CCN2: variants seen among roughly 807,000 people sequenced by gnomAD.
CCN2 encodes the protein cellular communication network factor 2, also known as CCN family member 2.
In CCN2, 22 loss-of-function variants were observed where a neutral mutation model predicts 33.2. The observed-to-expected ratio is 0.66, with a 90% CI of 0.47 to 0.95. The LOEUF (loss-of-function observed/expected upper bound fraction) is 0.95, where lower values mean the gene tolerates loss of function less well. CCN2 is among the 40% of genes least tolerant of loss of function. The pLI, the probability that CCN2 is intolerant of heterozygous loss-of-function variation, is 0.00. For missense variants in CCN2, 469 were observed against 498.8 expected (o/e 0.94, Z 0.57); for synonymous variants, 178 against 200.6 (o/e 0.89, Z 0.95).
chr6:131,949,987 C>T lies in CCN2; in HGVS notation c.715G>A (p.Val239Ile). The T allele has an allele frequency of 1.2e-6, 2 of 1,614,236 alleles. No individual in the cohort carries two copies. Among genetic ancestry groups the T allele is most frequent in the Middle Eastern group, 1.6e-4 (1 of 6,062 alleles). ...RLEKQSRLCM[V>I]RPCEADLEEN... Reference sequence around the variant, plus strand: ...TCCAGGTCAGCTTCGCAAGGCCTGACCATGCACAGGCGGCTCTGCTTCTCT... The same window carrying T: ...TCCAGGTCAGCTTCGCAAGGCCTGATCATGCACAGGCGGCTCTGCTTCTCT... Residue 239 changes from valine to isoleucine, a missense_variant, in exon 4 of 5, where the codon GTC (valine) becomes ATC (isoleucine). Physicochemically the swap from Val to Ile is conservative, Grantham distance 29. Transcript: ENST00000367976.
chr6:131,949,579 A>C lies in CCN2; in HGVS notation c.754-19T>G, dbSNP rs747779942. 43 of 1,558,162 alleles carry C rather than the reference A, an allele frequency of 2.8e-5. No individual in the cohort carries two copies. The highest frequency in any genetic ancestry group is 3.7e-5 in the Non-Finnish European group (43 of 1,153,548). ...TGCCCTTCTAAGGAAGACAAGGGAA[A>C]AGAGAGAGGAAAAAAAAAAATCAGC... On this transcript the variant is annotated intron_variant, in intron 4 of 4. Transcript: ENST00000367976.
In CCN2 at chr6:131,948,273, A is replaced by G. The variant is rs1378853990; in HGVS notation, c.*991T>C. The G allele has an allele frequency of 6.6e-6, 1 of 152,634 alleles. No individual in the cohort carries two copies. Among genetic ancestry groups the G allele is most frequent in the Non-Finnish European group, 1.5e-5 (1 of 68,038 alleles). The allele number at this position is 152,634 out of a possible 1,614,324, so 9.5% of individuals were successfully genotyped here. A position where few individuals can be genotyped will look rare whatever the true frequency, so the allele number is the denominator to read the frequency against. On this transcript the variant is annotated 3_prime_UTR_variant, in exon 5 of 5. Transcript: ENST00000367976. ...CAAATAAACTGTCCGAAAAACAGTC[A>G]TATCAAAGTAGAAACAAATGCTTCC...
intron 4 of CCN2, 152 bp downstream of exon 4, chr6:131,949,797 A>G: frequency 2.4e-6 from 2 of 838,054 alleles, no homozygotes. Flanking sequence ...GGTGGTTGCT[A>G]TTACACAAGC....
Position 131,949,034 on chromosome 6 carries a change from T to C in CCN2, c.*230A>G, listed in dbSNP as rs151042092. 4.1e-5 allele frequency: 23 copies of C among 565,678 alleles called. No individual in the cohort carries two copies. In the East Asian group the frequency reaches 7.0e-4, roughly 17 times the overall value. 35.0% of individuals were successfully genotyped at this position (565,678 alleles called of 1,614,324 possible). A position where few individuals can be genotyped will look rare whatever the true frequency, so the allele number is the denominator to read the frequency against. On this transcript the variant is annotated 3_prime_UTR_variant, in exon 5 of 5. Transcript: ENST00000367976. ...CCTTAATATACATTCTGGTGCTGTGTACTAATGTAGTTCCACTGTCAAGTC... is the reference window on the plus strand; with the variant it reads ...CCTTAATATACATTCTGGTGCTGTGCACTAATGTAGTTCCACTGTCAAGTC...
Position 131,950,404 on chromosome 6 carries a change from C to A in CCN2, c.429G>T (p.Leu143=). The A allele has an allele frequency of 6.2e-7, 1 of 1,614,074 alleles. No homozygotes were observed. Among genetic ancestry groups the A allele is most frequent in the Non-Finnish European group, 8.5e-7 (1 of 1,180,034 alleles). Reference sequence around the variant, plus strand: ...TCGGGAAGGGGCAGTCAGGGCTGGGCAGACGAACGTCCATGCTGCACAGGG... The same window carrying A: ...TCGGGAAGGGGCAGTCAGGGCTGGGAAGACGAACGTCCATGCTGCACAGGG... The part of the protein sequence containing the change: ...CMPLCSMDVR[L]PSPDCPFPRR... The change falls in exon 3 of 5, where the codon CTG becomes CTT. Residue 143 remains leucine (L), a synonymous_variant. Transcript: ENST00000367976. The surrounding 1 kb of genome is among the most constrained non-coding windows in gnomAD (Gnocchi z 7.1).
Position 131,950,190 on chromosome 6 carries a change from TA to T in CCN2, c.542-31del, listed in dbSNP as rs1241216290. 6.2e-7 allele frequency: 1 copy of T among 1,613,748 alleles called. No homozygotes were observed. On this transcript the variant is annotated intron_variant, in intron 3 of 4. Coordinates refer to ENST00000367976, the MANE Select transcript of CCN2 (RefSeq NM_001901.4). The surrounding 1 kb of genome is among the most constrained non-coding windows in gnomAD (Gnocchi z 7.1). ...GAGAGCAGAGCACACAAACACCATGTAAAACGCCTGGATAAGGTATTTCCCC... is the reference window on the plus strand; with the variant it reads ...GAGAGCAGAGCACACAAACACCATGTAAACGCCTGGATAAGGTATTTCCCC...
rs746904803 is a variant in CCN2, at chr6:131,949,560, T to C, written c.754A>G (p.Lys252Glu). Residue 252 changes from lysine to glutamate, a missense_variant and splice_region_variant, in exon 5 of 5, where the codon AAG becomes GAG. Transcript: ENST00000367976. ...GGAGTACGGATGCACTTTTTGCCCT[T>C]CTAAGGAAGACAAGGGAAAAGAGAG... ...CEADLEENIK[K>E]GKKCIRTPKI... 45 of 1,591,686 alleles carry C rather than the reference T, an allele frequency of 2.8e-5. No individual in the cohort carries two copies. The highest frequency in any genetic ancestry group is 3.9e-5 in the Non-Finnish European group (45 of 1,166,626).
chr6:131,950,226 G>A lies in CCN2; in HGVS notation c.541+66C>T, dbSNP rs1783084091. On this transcript the variant is annotated intron_variant, in intron 3 of 4. Transcript: ENST00000367976. The surrounding 1 kb of genome is among the most constrained non-coding windows in gnomAD (Gnocchi z 7.1). ...GATAAGGTATTTCCCCCGTTCGGTC[G>A]GCACAGTTAGGACTCCCTCCCTGGG... The A allele has an allele frequency of 6.2e-7, 1 of 1,610,474 alleles. No homozygotes were observed. The highest frequency in any genetic ancestry group is 8.5e-7 in the Non-Finnish European group (1 of 1,177,402).
rs374276549 is a variant in CCN2 at position 131,949,982 on chromosome 6, C to T, written c.720G>A (p.Arg240=). 1.8e-5 allele frequency: 29 copies of T among 1,614,198 alleles called. No homozygotes were observed. The African/African-American group carries it at 3.2e-4, about 18-fold the overall frequency. The part of the protein sequence containing the change: ...LEKQSRLCMV[R]PCEADLEENI... ...TCTCTTCCAGGTCAGCTTCGCAAGG[C>T]CTGACCATGCACAGGCGGCTCTGCT... is the stretch of plus-strand genomic sequence containing the variant. The change falls in exon 4 of 5, where the codon AGG becomes AGA. Residue 240 remains arginine, a synonymous_variant. Coordinates refer to ENST00000367976, the MANE Select transcript of CCN2 (RefSeq NM_001901.4).
At position 131,949,447 on chromosome 6, in the gene CCN2, G is replaced by A. The variant is rs143731769; in HGVS notation, c.867C>T (p.Asp289=). ...TTCTGTGGGGGGTGCAGCATCGGCCGTCGGTACATACTCCACAGAATTTAG... is the reference window on the plus strand; with the variant it reads ...TTCTGTGGGGGGTGCAGCATCGGCCATCGGTACATACTCCACAGAATTTAG... ...YRAKFCGVCT[D]GRCCTPHRTT... is the part of the protein sequence containing the mutation. Residue 289 remains aspartate (D), a synonymous_variant, in exon 5 of 5, where the codon GAC becomes GAT. Transcript: ENST00000367976. 2 of 1,614,172 alleles carry A rather than the reference G, an allele frequency of 1.2e-6. No individual in the cohort carries two copies. The highest frequency in any genetic ancestry group is 1.7e-6 in the Non-Finnish European group (2 of 1,180,022).
Position 131,949,172 on chromosome 6 carries a change from A to G in CCN2, c.*92T>C. On this transcript the variant is annotated 3_prime_UTR_variant, in exon 5 of 5. Transcript: ENST00000367976. ...CCAGTTAGAAAAACAGATTTAAATAACTTGTGCTACTGAAATCATTTTTAC... is the reference window on the plus strand; with the variant it reads ...CCAGTTAGAAAAACAGATTTAAATAGCTTGTGCTACTGAAATCATTTTTAC... The G allele has an allele frequency of 8.8e-7, 1 of 1,131,682 alleles. No individual in the cohort carries two copies. Among genetic ancestry groups the G allele is most frequent in the South Asian group, 1.4e-5 (1 of 72,998 alleles). The allele number at this position is 1,131,682 out of a possible 1,614,324, so 70.1% of individuals were successfully genotyped here.
rs1385020110 is a variant in CCN2 at position 131,949,540 on chromosome 6, A to G, written c.774T>C (p.Arg258=). The change falls in exon 5 of 5, where the codon CGT becomes CGC. Residue 258 remains arginine, a synonymous_variant. Coordinates refer to ENST00000367976, the MANE Select transcript of CCN2 (RefSeq NM_001901.4). ...TGATAGGCTTGGAGATTTTGGGAGT[A>G]CGGATGCACTTTTTGCCCTTCTAAG... The part of the protein sequence containing the change: ...ENIKKGKKCI[R]TPKISKPIKF... The G allele has an allele frequency of 1.4e-6, 2 of 1,475,166 alleles. No homozygotes were observed. The highest frequency in any genetic ancestry group is 1.8e-5 in the Admixed American group (1 of 55,178). The allele number at this position is 1,475,166 out of a possible 1,614,324, so 91.4% of individuals were successfully genotyped here. A position where few individuals can be genotyped will look rare whatever the true frequency, so the allele number is the denominator to read the frequency against.
intron 1 of CCN2, 31 bp downstream of exon 1, chr6:131,951,076 G>A (rs779822040): frequency 3.9e-6 from 5 of 1,291,662 alleles, no homozygotes; most frequent in South Asian, 2.4e-5. Flanking sequence ...CCTGGCAGCC[G>A]CCGGCCGCAG....
intron 4 of CCN2, 50 bp from the exon 5 acceptor site, chr6:131,949,610 T>C (rs1164670820): frequency 1.3e-6 from 2 of 1,490,284 alleles, no homozygotes; most frequent in African/African-American, 1.4e-5. Flanking sequence ...TCAGCGACTC[T>C]ACAAGAGGAG....
In CCN2 at chr6:131,951,304, CGGCTGCCGTCGAGCTGGAGGGT is replaced by C. The variant is rs1783108562; in HGVS notation, c.-154_-133del. 1.1e-5 allele frequency: 8 copies of C among 722,552 alleles called. No homozygotes were observed. Among genetic ancestry groups the C allele is most frequent in the Non-Finnish European group, 1.3e-5 (7 of 529,984 alleles). The allele number at this position is 722,552 out of a possible 1,614,324, so 44.8% of individuals were successfully genotyped here. On this transcript the variant is annotated 5_prime_UTR_variant, in exon 1 of 5. Coordinates refer to ENST00000367976, the MANE Select transcript of CCN2 (RefSeq NM_001901.4). ...GTCGTCTCGGGGCTGTCGGCCGGGG[CGGCTGCCGTCGAGCTGGAGGGT>C]GGAGTCGCACTGGCTGTCTCCTCTC...
Position 131,951,196 on chromosome 6 carries a change from A to G in CCN2, c.-24T>C. The stretch of plus-strand genomic sequence containing the variant: ...ATGGTTGGCACTGCGGGCGGAGCGG[A>G]GGGCGCGGTGGCGGCGAGCGGGGAG... On this transcript the variant is annotated 5_prime_UTR_variant, in exon 1 of 5. Coordinates refer to ENST00000367976, the MANE Select transcript of CCN2 (RefSeq NM_001901.4). 1 of 1,292,760 alleles carries G rather than the reference A, an allele frequency of 7.7e-7. No individual in the cohort carries two copies. The highest frequency in any genetic ancestry group is 9.8e-7 in the Non-Finnish European group (1 of 1,020,944). The allele number at this position is 1,292,760 out of a possible 1,614,324, so 80.1% of individuals were successfully genotyped here.
Position 131,950,799 on chromosome 6 carries a change from G to T in CCN2, c.260C>A (p.Pro87Gln), listed in dbSNP as rs767690353. 1.0e-5 allele frequency: 16 copies of T among 1,546,180 alleles called. No homozygotes were observed. Among genetic ancestry groups the T allele is most frequent in the Admixed American group, 1.9e-5 (1 of 52,450 alleles). ...HKGLFCHFGSPANRKIGVCTA... is the reference protein window; with the variant it reads ...HKGLFCHFGSQANRKIGVCTA... ...GCACACGCCGATCTTGCGGTTGGCC[G>T]GGGAGCCGAAGTGACAGAATAGGCC... The change falls in exon 2 of 5, where the codon CCG becomes CAG. Residue 87 changes from proline to glutamine, a missense_variant. Coordinates refer to ENST00000367976, the MANE Select transcript of CCN2 (RefSeq NM_001901.4). The surrounding 1 kb of genome is among the most constrained non-coding windows in gnomAD (Gnocchi z 7.1).
In CCN2 at chr6:131,951,236, G is replaced by A. The variant is rs1783106808; in HGVS notation, c.-64C>T. 30 of 1,237,820 alleles carry A rather than the reference G, an allele frequency of 2.4e-5. No individual in the cohort carries two copies. Among genetic ancestry groups the A allele is most frequent in the Non-Finnish European group, 2.9e-5 (29 of 988,888 alleles). The allele number at this position is 1,237,820 out of a possible 1,614,324, so 76.7% of individuals were successfully genotyped here. On this transcript the variant is annotated 5_prime_UTR_variant, in exon 1 of 5. Transcript: ENST00000367976. ...CGAGCGGGGAGCGGCGGGGCCTGGA[G>A]CGCTGGCGGTGGTCGGAGGTGGGGA...
chr6:131,951,371 G>A lies in CCN2; in HGVS notation c.-199C>T, dbSNP rs1007159821. The stretch of plus-strand genomic sequence containing the variant: ...CCTCTCAGCGGGGAAGAGTTGTTGT[G>A]TGAGTTTGGGGCGGGCGGCCCGAGG... On this transcript the variant is annotated 5_prime_UTR_variant, in exon 1 of 5. Transcript: ENST00000367976. The A allele has an allele frequency of 1.2e-5, 5 of 421,508 alleles. No individual in the cohort carries two copies. Among genetic ancestry groups the A allele is most frequent in the African/African-American group, 1.0e-4 (5 of 48,192 alleles). 26.1% of individuals were successfully genotyped at this position (421,508 alleles called of 1,614,324 possible).
Sources: allele counts gnomAD v4.1 joint callset, GRCh38; gene constraint gnomAD v4.1.1; non-coding constraint Gnocchi (gnomAD v3.1); transcripts MANE v1.5; gene names NCBI Gene and HGNC (gene_info 2026-07-23, HGNC 2026-07-21).